Variants in MAP1B observed in about 807,000 individuals in gnomAD.
MAP1B encodes microtubule associated protein 1B, also known as microtubule-associated protein 1B.
MAP1B carries 12 observed loss-of-function variants against 176.1 expected under a neutral mutation model. The observed-to-expected ratio is 0.07, with a 90% CI of 0.04 to 0.11. MAP1B has a LOEUF of 0.11. Ranked by LOEUF, MAP1B falls within the 10% of genes least tolerant of loss-of-function variation. The probability of loss-of-function intolerance (pLI) is 1.00; values close to 1 mark genes in which losing one functional copy is unlikely to be tolerated. For missense variants in MAP1B, 2,523 were observed against 2,990.5 expected (o/e 0.84, Z 3.65); for synonymous variants, 1,044 against 1,135.0 (o/e 0.92, Z 1.61).
chr5:72,188,138 A>G (rs1561311117), intron 4 of MAP1B, among the ~76,000 whole-genome samples: 1 of 152,238 alleles, frequency 6.6e-6, no homozygotes, highest in Admixed American at 6.5e-5. Flanking sequence ...CCGCTGTTCA[A>G]TTGCATTGAA....
chr5:72,178,760 G>T (rs1561307878), intron 2 of MAP1B, among the ~76,000 whole-genome samples: 2 of 151,686 alleles, frequency 1.3e-5, no homozygotes, highest in Non-Finnish European at 2.9e-5. Flanking sequence ...GTGTGTGTGT[G>T]TGTGTGTGTG....
intron 2 of MAP1B, 129 bp downstream of exon 2, chr5:72,115,928 A>G (rs911367659): frequency 1.9e-5 from 12 of 646,182 alleles, no homozygotes; most frequent in Non-Finnish European, 8.3e-6. Flanking sequence ...GTTATTATCA[A>G]CTAGGTTAGC....
intron 2 of MAP1B, among the ~76,000 whole-genome samples, chr5:72,131,796 G>T (rs1484925561): frequency 6.6e-6 from 1 of 152,196 alleles, no homozygotes; most frequent in African/African-American, 2.4e-5. Context: ...TGTCTTCTCT[G>T]TACTTGCTTA....
intron 2 of MAP1B, among the ~76,000 whole-genome samples, chr5:72,181,198 G>A (rs1489082062): frequency 6.6e-6 from 1 of 152,182 alleles, no homozygotes; most frequent in Non-Finnish European, 1.5e-5. Context: ...GTAAATGTTA[G>A]CTGTTACTGA....
rs573078927 is a variant in MAP1B at position 72,111,122 on chromosome 5, GC to G, written c.184+3412del. ...ACCTCCTTTTTCTCCTCCCTAATTA[GC>G]CCCCAGCATGGATTTAGCTAGTGGT... On this transcript the variant is annotated intron_variant, in intron 1 of 6. Coordinates refer to ENST00000296755, the MANE Select transcript of MAP1B (RefSeq NM_005909.5). Among the ~76,000 whole-genome samples the G allele has an allele frequency of 2.7e-3, 409 of 152,112 alleles. 1 individual carries two copies. Among genetic ancestry groups the G allele is most frequent in the African/African-American group, 9.5e-3 (396 of 41,492 alleles).
chr5:72,175,986 G>C (rs1451884072), intron 2 of MAP1B, among the ~76,000 whole-genome samples: 1 of 152,214 alleles, frequency 6.6e-6, no homozygotes, highest in Non-Finnish European at 1.5e-5. Context: ...GAAAACAAGT[G>C]TTCAAAATTT....
rs1747252509 is a variant in MAP1B at position 72,198,891 on chromosome 5, G to A, written c.5536G>A (p.Ala1846Thr). Residue 1846 changes from alanine to threonine, a missense_variant, in exon 5 of 7, where the codon GCC (alanine) becomes ACC (threonine). By Grantham distance (58) the Ala-to-Thr change is moderately conservative. This residue lies in a region of MAP1B where 1,925 missense variants were observed against 2,126.0 expected (regional missense o/e 0.91). Coordinates refer to ENST00000296755, the MANE Select transcript of MAP1B (RefSeq NM_005909.5). ...VLFDTMQHHLALNRDLSTPGL... is the reference protein window; with the variant it reads ...VLFDTMQHHLTLNRDLSTPGL... ...ATTCGATACAATGCAACACCATCTA[G>A]CCTTGAATAGAGATTTGTCCACACC... 1.9e-6 allele frequency: 3 copies of A among 1,614,076 alleles called. No individual in the cohort carries two copies. Among genetic ancestry groups the A allele is most frequent in the Non-Finnish European group, 2.5e-6 (3 of 1,180,052 alleles).
At chr5:72,187,914 G>A (rs16875959) in intron 4 of MAP1B, among the ~76,000 whole-genome samples, 27,999 of 152,094 alleles carry the variant, frequency 0.18, 3,205 homozygotes, top group African/African-American at 0.31. Flanking sequence ...AAGGTGTGGC[G>A]TCATCTGCAT....
In MAP1B at chr5:72,197,701, C is replaced by T; in HGVS notation, c.4346C>T (p.Thr1449Ile). The change falls in exon 5 of 7, where the codon ACT becomes ATT. Residue 1449 changes from threonine to isoleucine, a missense_variant. Thr to Ile is a moderately conservative substitution (Grantham distance 89). Around this residue, in one of 4 missense-constraint regions of MAP1B, gnomAD observed 1,925 missense variants for 2,126.0 expected, o/e 0.91. Coordinates refer to ENST00000296755, the MANE Select transcript of MAP1B (RefSeq NM_005909.5). ...CAAGTAAGTCCAGTTTCTGAAATGA[C>T]TTCTACTAGTCTTTACCAAGACAAA... The part of the protein sequence containing the change: ...PDQVSPVSEM[T>I]STSLYQDKQE... The T allele has an allele frequency of 6.2e-7, 1 of 1,614,068 alleles. No homozygotes were observed. Among genetic ancestry groups the T allele is most frequent in the Non-Finnish European group, 8.5e-7 (1 of 1,180,034 alleles).
intron 2 of MAP1B, among the ~76,000 whole-genome samples, chr5:72,150,821 A>G (rs1746127373): frequency 6.6e-6 from 1 of 152,172 alleles, no homozygotes; most frequent in Admixed American, 6.5e-5. Flanking sequence ...GTCCCTGCAA[A>G]GGACATGATC....
chr5:72,145,092 A>G (rs1746021208), intron 2 of MAP1B, among the ~76,000 whole-genome samples: 1 of 152,114 alleles, frequency 6.6e-6, no homozygotes, highest in Non-Finnish European at 1.5e-5. Context: ...TTCTCAGTTC[A>G]GTTTGTTAAT....
chr5:72,185,423 G>T lies in MAP1B; in HGVS notation c.370-1191G>T, dbSNP rs1317920451. Among the ~76,000 whole-genome samples, 4 of 152,230 alleles carry T rather than the reference G, an allele frequency of 2.6e-5. No homozygotes were observed. In the East Asian group the frequency reaches 7.7e-4, roughly 29 times the overall value. On this transcript the variant is annotated intron_variant, in intron 3 of 6. Transcript: ENST00000296755. Reference sequence around the variant, plus strand: ...AGCCTGGGCAACATGGTAAAACCCTGTCTCTACCAAAAATACAAAAAATTA... The same window carrying T: ...AGCCTGGGCAACATGGTAAAACCCTTTCTCTACCAAAAATACAAAAAATTA...
chr5:72,195,568 A>C lies in MAP1B; in HGVS notation c.2213A>C (p.Asp738Ala). The C allele has an allele frequency of 1.9e-6, 3 of 1,612,480 alleles. No individual in the cohort carries two copies. The highest frequency in any genetic ancestry group is 2.5e-6 in the Non-Finnish European group (3 of 1,179,656). ...AAAGAAATTAAGAAGCTCCCTAAAGACGCAAAGAAATCATCTACTCCTCTG... is the reference window on the plus strand; with the variant it reads ...AAAGAAATTAAGAAGCTCCCTAAAGCCGCAAAGAAATCATCTACTCCTCTG... ...PKKEIKKLPK[D>A]AKKSSTPLSE... Residue 738 changes from aspartate (D) to alanine (A), a missense_variant, in exon 5 of 7, where the codon GAC becomes GCC. By Grantham distance (126) the Asp-to-Ala change is moderately radical (BLOSUM62 -2). Around this residue, in one of 4 missense-constraint regions of MAP1B, gnomAD observed 1,925 missense variants for 2,126.0 expected, o/e 0.91. Transcript: ENST00000296755.
intron 2 of MAP1B, among the ~76,000 whole-genome samples, chr5:72,180,232 G>GA (rs1457076514): frequency 6.6e-6 from 1 of 152,206 alleles, no homozygotes; most frequent in African/African-American, 2.4e-5. Flanking sequence ...TACTTGTATG[G>GA]ATTCCTGCAG....
intron 2 of MAP1B, among the ~76,000 whole-genome samples, chr5:72,161,956 C>CAAAAAA (rs4043357): frequency 9.4e-5 from 8 of 84,982 alleles, no homozygotes; most frequent in African/African-American, 1.3e-4. Flanking sequence ...AATTCCGTCT[C>CAAAAAA]AAAAAAAAAA....
chr5:72,123,292 T>C (rs564577351), intron 2 of MAP1B, among the ~76,000 whole-genome samples: 2 of 152,234 alleles, frequency 1.3e-5, no homozygotes, highest in Non-Finnish European at 2.9e-5. Flanking sequence ...GAGAGTTTCT[T>C]TTTATTTTTT....
intron 2 of MAP1B, among the ~76,000 whole-genome samples, chr5:72,123,470 T>A (rs1745567330): frequency 8.4e-6 from 1 of 119,418 alleles, no homozygotes; most frequent in Admixed American, 8.6e-5. Flanking sequence ...CCCAGCTAAT[T>A]TGTTTTTTTT....
intron 2 of MAP1B, among the ~76,000 whole-genome samples, chr5:72,157,182 A>C (rs1455676251): frequency 6.6e-6 from 1 of 152,150 alleles, no homozygotes; most frequent in East Asian, 1.9e-4. Context: ...TTTCTTTTAT[A>C]TCTGTCTTGA....
In MAP1B at chr5:72,196,382, G is replaced by C; in HGVS notation, c.3027G>C (p.Glu1009Asp). ...RAEEDMDEAI[E>D]KGEAEQSEEE... is the part of the protein sequence containing the mutation. ...AAGAAGACATGGATGAGGCCATTGAGAAAGGAGAGGCTGAACAATCTGAAG... is the reference window on the plus strand; with the variant it reads ...AAGAAGACATGGATGAGGCCATTGACAAAGGAGAGGCTGAACAATCTGAAG... The change falls in exon 5 of 7, where the codon GAG (glutamate) becomes GAC (aspartate). Residue 1009 changes from glutamate (E) to aspartate (D), a missense_variant. Physicochemically the swap from Glu to Asp is conservative, Grantham distance 45. This residue lies in a region of MAP1B where 1,925 missense variants were observed against 2,126.0 expected (regional missense o/e 0.91). Coordinates refer to ENST00000296755, the MANE Select transcript of MAP1B (RefSeq NM_005909.5). This position sits in a 1 kb window ranked among gnomAD's most constrained non-coding sequence, Gnocchi z 5.3. 6.2e-7 allele frequency: 1 copy of C among 1,614,082 alleles called. No homozygotes were observed. The highest frequency in any genetic ancestry group is 8.5e-7 in the Non-Finnish European group (1 of 1,180,026).
Sources: gnomAD v4.1 joint callset for allele counts (sites outside exome capture counted in the v4.1 genomes callset) on GRCh38, gnomAD v4.1.1 for gene constraint, gnomAD v4.1.1 regional missense constraint, Gnocchi (gnomAD v3.1) non-coding constraint, MANE v1.5 for transcripts, NCBI Gene and HGNC (gene_info 2026-07-23, HGNC 2026-07-21) for gene names.